The following SYNE1 variants were observed in gnomAD, a reference collection of about 807,000 sequenced individuals.
SYNE1 encodes nesprin-1.
Under a neutral mutation model 1,111.0 loss-of-function variants are expected in SYNE1, and 616 were observed. That is an observed-to-expected ratio of 0.55 (90% CI 0.52 to 0.59). The LOEUF (loss-of-function observed/expected upper bound fraction) is 0.59. Among genes scored for constraint, SYNE1 ranks in the 20% least tolerant of loss-of-function variants. The pLI, the probability that SYNE1 is intolerant of heterozygous loss-of-function variation, is 0.00. For missense variants in SYNE1, 10,006 were observed against 10,417.0 expected, an observed-to-expected ratio of 0.96 and a Z score of 1.72; for synonymous variants, 3,855 against 3,825.8, an observed-to-expected ratio of 1.01 and a Z score of -0.28.
chr6:152,616,626 G>T (rs1374316739), intron 3 of SYNE1, among the ~76,000 whole-genome samples: 1 of 152,142 alleles, frequency 6.6e-6, no homozygotes, highest in African/African-American at 2.4e-5. Context: ...GGTCAAGGGA[G>T]CATTGAGATG....
intron 105 of SYNE1, among the ~76,000 whole-genome samples, chr6:152,244,920 T>C (rs1230915435): frequency 6.6e-6 from 1 of 152,112 alleles, no homozygotes; most frequent in Non-Finnish European, 1.5e-5. Context: ...GGGAGAAGGA[T>C]GTCTTGCTTA....
At chr6:152,550,813 C>G (rs1181751946) in intron 3 of SYNE1, among the ~76,000 whole-genome samples, 2 of 152,040 alleles carry the variant, frequency 1.3e-5, no homozygotes, top group African/African-American at 4.8e-5. Flanking sequence ...AGTATGTGCA[C>G]CGTATCACGT....
chr6:152,323,545 C>T lies in SYNE1; in HGVS notation c.15850G>A (p.Ala5284Thr), dbSNP rs148292669. Residue 5284 changes from alanine to threonine, a missense_variant, in exon 82 of 146, where the codon GCC (alanine) becomes ACC (threonine). Physicochemically the swap from Ala to Thr is moderately conservative, Grantham distance 58 (BLOSUM62 0). Coordinates refer to ENST00000367255, the MANE Select transcript of SYNE1 (RefSeq NM_182961.4). ...GGAGGCTCTTCCCCAGGGGTTGGGG[C>T]GGCTCCATCCTGGAGCATGCTCAGG... The part of the protein sequence containing the change: ...QTLSMLQDGA[A>T]PTPGEEPPLM... 1.4e-5 allele frequency: 23 copies of T among 1,614,198 alleles called. No homozygotes were observed. In the South Asian group the frequency reaches 2.0e-4, roughly 14 times the overall value.
At chr6:152,489,906 T>C (rs2098961319) in intron 11 of SYNE1, among the ~76,000 whole-genome samples, 1 of 152,158 alleles carries the variant, frequency 6.6e-6, no homozygotes, top group African/African-American at 2.4e-5. Flanking sequence ...AAAATCCGTA[T>C]GTCTAAGTTC....
At chr6:152,418,385 G>A (rs1387254680) in intron 40 of SYNE1, among the ~76,000 whole-genome samples, 2 of 152,132 alleles carry the variant, frequency 1.3e-5, no homozygotes, top group African/African-American at 4.8e-5. Flanking sequence ...ACTATCTCCT[G>A]TCCTGAAGGT....
intron 46 of SYNE1, among the ~76,000 whole-genome samples, chr6:152,403,273 A>T (rs1029140613): frequency 6.6e-6 from 1 of 152,094 alleles, no homozygotes; most frequent in Non-Finnish European, 1.5e-5. Context: ...AGGTGTTCTG[A>T]CCAGTGCTGA....
intron 63 of SYNE1, among the ~76,000 whole-genome samples, 161 bp downstream of exon 63, chr6:152,364,686 G>GAAGGAAGGA (rs1554548785): frequency 2.8e-5 from 3 of 108,070 alleles, no homozygotes; most frequent in African/African-American, 3.8e-5. Context: ...AAGGAGGAAG[G>GAAGGAAGGA]AGGAAGGAAG....
At chr6:152,133,252 C>T (rs369718676) in intron 143 of SYNE1, 24 bp downstream of exon 143, 238 of 1,604,176 alleles carry the variant, frequency 1.5e-4, no homozygotes, top group African/African-American at 2.3e-4. Context: ...AAATGCTACA[C>T]GATGATGTCT....
In SYNE1 at chr6:152,331,041, T is replaced by C; in HGVS notation, c.13644A>G (p.Gln4548=). The change falls in exon 78 of 146, where the codon CAA becomes CAG. Residue 4548 remains glutamine, a synonymous_variant. Coordinates refer to ENST00000367255, the MANE Select transcript of SYNE1 (RefSeq NM_182961.4). The part of the protein sequence containing the change: ...ELQSVYDSVL[Q]KCSHRLQELE... ...GTTCTTGTAACCGGTGACTGCACTT[T>C]TGTAAAACACTGTCATAGACACTCT... 6.2e-7 allele frequency: 1 copy of C among 1,614,190 alleles called. No individual in the cohort carries two copies. The highest frequency in any genetic ancestry group is 8.5e-7 in the Non-Finnish European group (1 of 1,180,036).
intron 128 of SYNE1, among the ~76,000 whole-genome samples, chr6:152,187,019 T>C (rs2070332642): frequency 6.6e-6 from 1 of 152,212 alleles, no homozygotes. Flanking sequence ...AATTCAGAAA[T>C]GAATCAAGTG....
chr6:152,336,783 T>G (rs1402082693), intron 76 of SYNE1, 58 bp downstream of exon 76: 1 of 1,595,076 alleles, frequency 6.3e-7, no homozygotes. Context: ...TGAACACATT[T>G]CAGGTTTTCT....
chr6:152,482,589 C>A (rs2098912937), intron 14 of SYNE1, among the ~76,000 whole-genome samples: 1 of 152,050 alleles, frequency 6.6e-6, no homozygotes, highest in Non-Finnish European at 1.5e-5. Context: ...TACAACTGAT[C>A]ATATACTAAG....
At chr6:152,513,079 G>C (rs766394381) in intron 6 of SYNE1, among the ~76,000 whole-genome samples, 1 of 152,174 alleles carries the variant, frequency 6.6e-6, no homozygotes. Context: ...AACTAAGGAA[G>C]TGAGCCTCTG....
intron 131 of SYNE1, among the ~76,000 whole-genome samples, chr6:152,157,935 T>G (rs1350159337): frequency 6.6e-6 from 1 of 152,024 alleles, no homozygotes; most frequent in Non-Finnish European, 1.5e-5. Flanking sequence ...ATTTTTGTGT[T>G]TTTAGTAGAG....
intron 16 of SYNE1, among the ~76,000 whole-genome samples, chr6:152,467,435 C>T (rs1460585728): frequency 2.0e-5 from 3 of 151,768 alleles, no homozygotes; most frequent in South Asian, 2.1e-4. Context: ...CAAGATACTG[C>T]GTAAGAAATT....
At chr6:152,619,494 G>A (rs1401873376) in intron 3 of SYNE1, among the ~76,000 whole-genome samples, 3 of 152,072 alleles carry the variant, frequency 2.0e-5, no homozygotes, top group Admixed American at 6.6e-5. Context: ...AGCACCTGTA[G>A]TGCCATACTT....
intron 128 of SYNE1, among the ~76,000 whole-genome samples, chr6:152,186,255 G>T (rs536371054): frequency 3.3e-5 from 5 of 152,046 alleles, no homozygotes; most frequent in African/African-American, 1.2e-4. Flanking sequence ...AAGAAAACAG[G>T]TTAGAAAATT....
intron 66 of SYNE1, 144 bp from the exon 67 acceptor site, chr6:152,355,120 G>A (rs1326807817): frequency 9.4e-6 from 8 of 852,016 alleles, no homozygotes; most frequent in East Asian, 2.7e-5. Flanking sequence ...ACAAAAATAT[G>A]TCCCTAACCA....
intron 4 of SYNE1, among the ~76,000 whole-genome samples, chr6:152,527,132 A>T (rs1317176511): frequency 6.6e-6 from 1 of 152,178 alleles, no homozygotes; most frequent in Non-Finnish European, 1.5e-5. Flanking sequence ...CTAATGCTCA[A>T]TTCCTGACTT....
Sources: gnomAD v4.1 joint callset for allele counts (sites outside exome capture counted in the v4.1 genomes callset) on GRCh38, gnomAD v4.1.1 for gene constraint, MANE v1.5 for transcripts, NCBI Gene and HGNC (gene_info 2026-07-23, HGNC 2026-07-21) for gene names.